ARID4B: variants seen among roughly 807,000 people sequenced by gnomAD.
ARID4B encodes AT-rich interaction domain 4B, also known as AT-rich interactive domain-containing protein 4B.
A neutral mutation model predicts 147.5 loss-of-function variants in ARID4B; 26 were observed. The observed-to-expected ratio is 0.18, with a 90% confidence interval of 0.13 to 0.24. ARID4B has a LOEUF of 0.24. Among genes scored for constraint, ARID4B ranks in the 10% least tolerant of loss-of-function variants. ARID4B has a pLI of 1.00. For synonymous variants in ARID4B, 512 were observed against 507.9 expected (o/e 1.01, Z -0.11); for missense variants, 1,179 against 1,511.5 (o/e 0.78, Z 3.65).
At chr1:235,315,624 CTACCT>C (rs1229609653) in intron 2 of ARID4B, among the ~76,000 whole-genome samples, 2 of 152,128 alleles carry the variant, frequency 1.3e-5, no homozygotes, top group Admixed American at 1.3e-4. Flanking sequence ...ACCCTATTTT[CTACCT>C]TATAAATCAG....
intron 10 of ARID4B, among the ~76,000 whole-genome samples, chr1:235,230,594 TAA>T (rs1175996354): frequency 1.2e-4 from 7 of 58,412 alleles, no homozygotes; most frequent in African/African-American, 3.3e-4. Context: ...GACTATAAGC[TAA>T]AAAAAAAAAA....
intron 7 of ARID4B, among the ~76,000 whole-genome samples, chr1:235,244,932 C>T (rs1247924109): frequency 6.6e-6 from 1 of 152,142 alleles, no homozygotes; most frequent in African/African-American, 2.4e-5. Flanking sequence ...AACTGTAGTA[C>T]TTGCCTGTAA....
chr1:235,264,720 A>G (rs1388086203), intron 2 of ARID4B, among the ~76,000 whole-genome samples: 1 of 152,256 alleles, frequency 6.6e-6, no homozygotes, highest in Non-Finnish European at 1.5e-5. Flanking sequence ...ATAGTAATTC[A>G]GATTTGGTTC....
At chr1:235,256,190 A>AAAAAAAAT (rs1558251948) in intron 4 of ARID4B, among the ~76,000 whole-genome samples, 2 of 151,414 alleles carry the variant, frequency 1.3e-5, no homozygotes, top group Non-Finnish European at 1.5e-5. Context: ...AAAAAAAAAA[A>AAAAAAAAT]GTGCCAGCAG....
intron 3 of ARID4B, among the ~76,000 whole-genome samples, chr1:235,258,175 A>G (rs2083658100): frequency 6.6e-6 from 1 of 152,126 alleles, no homozygotes; most frequent in African/African-American, 2.4e-5. Flanking sequence ...TATTAAAAAT[A>G]CAAAAATTAC....
intron 3 of ARID4B, among the ~76,000 whole-genome samples, chr1:235,258,746 C>G (rs1302095538): frequency 2.0e-5 from 3 of 152,218 alleles, no homozygotes; most frequent in Admixed American, 6.5e-5. Context: ...CCAGGCATTT[C>G]TGTGTCATAC....
In ARID4B at chr1:235,171,348, G is replaced by A. The variant is rs866330829; in HGVS notation, c.3811+1270C>T. ...CTCGGGAGACTGAGGCAGGATAATC[G>A]CTTGAACTCAGGAGGCGGAGGTTGT... On this transcript the variant is annotated intron_variant, in intron 23 of 23. Transcript: ENST00000264183. Among the ~76,000 whole-genome samples, 6 of 152,054 alleles carry A rather than the reference G, an allele frequency of 3.9e-5. No homozygotes were observed. The South Asian group carries it at 6.2e-4, about 16-fold the overall frequency.
At chr1:235,174,998 T>A (rs1196857971) in intron 22 of ARID4B, among the ~76,000 whole-genome samples, 186 bp downstream of exon 22, 1 of 151,912 alleles carries the variant, frequency 6.6e-6, no homozygotes, top group Non-Finnish European at 1.5e-5. Context: ...CCCAGCTACT[T>A]GGGAGGCTGA....
chr1:235,236,428 A>G (rs767973209), intron 8 of ARID4B, among the ~76,000 whole-genome samples: 3 of 152,086 alleles, frequency 2.0e-5, no homozygotes, highest in Non-Finnish European at 4.4e-5. Flanking sequence ...GCTTAAATTA[A>G]TAACTCAAAA....
chr1:235,231,750 A>G (rs1668250797), intron 9 of ARID4B, among the ~76,000 whole-genome samples: 1 of 152,212 alleles, frequency 6.6e-6, no homozygotes, highest in South Asian at 2.1e-4. Flanking sequence ...AGTCTCCCAA[A>G]GTACTGGGAT....
chr1:235,198,207 G>GCTAT (rs1241044477), intron 17 of ARID4B, among the ~76,000 whole-genome samples: 1 of 152,132 alleles, frequency 6.6e-6, no homozygotes, highest in African/African-American at 2.4e-5. Context: ...TTAACCAAAG[G>GCTAT]CTATCTGTTC....
intron 7 of ARID4B, among the ~76,000 whole-genome samples, chr1:235,242,628 T>C (rs979250540): frequency 2.0e-5 from 3 of 152,194 alleles, no homozygotes; most frequent in Admixed American, 6.5e-5. Flanking sequence ...CTGTACAACA[T>C]AGAGAAAATT....
rs1441513002 is a variant in ARID4B at position 235,240,341 on chromosome 1, T to C, written c.557A>G (p.Lys186Arg). Residue 186 changes from lysine to arginine, a missense_variant, in exon 8 of 24, where the codon AAA becomes AGA. This residue lies in a region of ARID4B where 159 missense variants were observed against 190.5 expected (regional missense o/e 0.83). Coordinates refer to ENST00000264183, the MANE Select transcript of ARID4B (RefSeq NM_016374.6). ...VVCVDYISLD[K>R]KKALWFPALV... ...TGCAGGAAACCACAGTGCTTTCTTT[T>C]TATCCAAACTAATGTAATCTACACA... The C allele has an allele frequency of 1.9e-6, 3 of 1,613,082 alleles. No homozygotes were observed. Among genetic ancestry groups the C allele is most frequent in the Non-Finnish European group, 2.5e-6 (3 of 1,179,524 alleles).
chr1:235,232,021 G>C (rs1668270580), intron 9 of ARID4B, among the ~76,000 whole-genome samples: 1 of 152,184 alleles, frequency 6.6e-6, no homozygotes. Context: ...TTGGGAGTCT[G>C]AGGCAGGGAG....
At chr1:235,196,887 A>G (rs1197081827) in intron 17 of ARID4B, among the ~76,000 whole-genome samples, 2 of 150,616 alleles carry the variant, frequency 1.3e-5, no homozygotes, top group Admixed American at 1.3e-4. Flanking sequence ...AAGAAAAGAA[A>G]AGCACCATAT....
rs76827871 is a variant in ARID4B at position 235,279,863 on chromosome 1, T to A, written c.7-19111A>T. ...GAGTTTTAAGGAGCTTCCCGGGTTGTAACATTTCATGTTGTCACAATTCTT... is the reference window on the plus strand; with the variant it reads ...GAGTTTTAAGGAGCTTCCCGGGTTGAAACATTTCATGTTGTCACAATTCTT... On this transcript the variant is annotated intron_variant, in intron 2 of 23. Coordinates refer to ENST00000264183, the MANE Select transcript of ARID4B (RefSeq NM_016374.6). Among the ~76,000 whole-genome samples, 134 of 152,376 alleles carry A rather than the reference T, an allele frequency of 8.8e-4. 3 individuals are homozygous for A. In the East Asian group the frequency reaches 0.024, roughly 27 times the overall value.
intron 2 of ARID4B, among the ~76,000 whole-genome samples, chr1:235,282,811 GTC>G: frequency 6.6e-6 from 1 of 152,110 alleles, no homozygotes; most frequent in Admixed American, 6.5e-5. Flanking sequence ...TTGAGACGGA[GTC>G]TCTGTCACCC....
At chr1:235,234,765 C>T (rs973168743) in intron 8 of ARID4B, among the ~76,000 whole-genome samples, 5 of 151,876 alleles carry the variant, frequency 3.3e-5, no homozygotes, top group Admixed American at 6.6e-5. Context: ...AAGCTGTGGA[C>T]GAAGTTCTAG....
chr1:235,269,970 AAG>A (rs1358993265), intron 2 of ARID4B, among the ~76,000 whole-genome samples: 3 of 151,664 alleles, frequency 2.0e-5, no homozygotes, highest in Non-Finnish European at 4.4e-5. Context: ...GCTGGATTGT[AAG>A]AGTTACTGCA....
Sources: allele counts gnomAD v4.1 joint callset (sites outside exome capture counted in the v4.1 genomes callset), GRCh38; gene constraint gnomAD v4.1.1; regional missense constraint gnomAD v4.1.1; transcripts MANE v1.5; gene names NCBI Gene and HGNC (gene_info 2026-07-23, HGNC 2026-07-21).